PCNX2: variants seen among roughly 807,000 people sequenced by gnomAD.
PCNX2 encodes pecanex-like protein 2.
Under a neutral mutation model 223.8 loss-of-function variants are expected in PCNX2, and 168 were observed. The ratio of observed to expected loss-of-function variants is 0.75; its 90% CI spans 0.66 to 0.85. The LOEUF (loss-of-function observed/expected upper bound fraction) is 0.85. Among genes scored for constraint, PCNX2 ranks in the 40% least tolerant of loss-of-function variants. The probability of loss-of-function intolerance (pLI) is 0.00; values close to 1 mark genes in which losing one functional copy is unlikely to be tolerated. For synonymous variants in PCNX2, 1,006 were observed against 1,052.6 expected (o/e 0.96, Z 0.86); for missense variants, 2,507 against 2,675.5 (o/e 0.94, Z 1.39).
chr1:233,258,256 C>T lies in PCNX2; in HGVS notation c.1606G>A (p.Gly536Arg), dbSNP rs1262737724. The T allele has an allele frequency of 6.2e-7, 1 of 1,613,990 alleles. No homozygotes were observed. ...CTTTTACTCAAGAAGACATCTGTCC[C>T]ACTGTCCACACTGAGCACCCGGGCA... ...RHARVLSVDS[G>R]TDVFLSKSSA... Residue 536 changes from glycine (G) to arginine (R), a missense_variant, in exon 5 of 34, where the codon GGG becomes AGG. This residue lies in a region of PCNX2 where 1,031 missense variants were observed against 1,021.7 expected (regional missense o/e 1.01). Coordinates refer to ENST00000258229, the MANE Select transcript of PCNX2 (RefSeq NM_014801.4).
upstream of PCNX2, among the ~76,000 whole-genome samples, chr1:233,297,188 ATAGGAGGAAAGGT>A (rs6143673): frequency 0.013 from 1,939 of 152,288 alleles, 44 homozygotes; most frequent in African/African-American, 0.044. Context: ...GTGCATGGGT[ATAGGAGGAAAGGT>A]CATGCAACAG....
chr1:233,265,064 C>A (rs1660255942), intron 1 of PCNX2, among the ~76,000 whole-genome samples: 1 of 149,612 alleles, frequency 6.7e-6, no homozygotes, highest in South Asian at 2.2e-4. Flanking sequence ...ATAGTGAGAC[C>A]CCCCCTCCGA....
rs1460137261 is a variant in PCNX2 at position 233,180,682 on chromosome 1, C to T, written c.3067-1507G>A. 8 of 152,264 alleles carry T rather than the reference C, an allele frequency of 5.3e-5. No individual in the cohort carries two copies. In the East Asian group the frequency reaches 1.4e-3, roughly 26 times the overall value. 9.4% of individuals were successfully genotyped at this position (152,264 alleles called of 1,614,324 possible). On this transcript the variant is annotated intron_variant, in intron 15 of 33. Coordinates refer to ENST00000258229, the MANE Select transcript of PCNX2 (RefSeq NM_014801.4). ...TTTTATTTTTACATGCTTCATTTTC[C>T]TAGAAATTAAAATGTATTTCTTTTA...
intron 32 of PCNX2, among the ~76,000 whole-genome samples, chr1:232,995,883 C>T (rs1162987084): frequency 6.6e-6 from 1 of 151,992 alleles, no homozygotes; most frequent in Non-Finnish European, 1.5e-5. Flanking sequence ...ATTTCTTCCC[C>T]CTCCTCTCCC....
intron 17 of PCNX2, among the ~76,000 whole-genome samples, chr1:233,165,148 T>C (rs985549557): frequency 2.0e-5 from 3 of 152,210 alleles, no homozygotes; most frequent in African/African-American, 7.2e-5. Flanking sequence ...ATGTGTACAA[T>C]TATTGTCAAT....
intron 15 of PCNX2, among the ~76,000 whole-genome samples, chr1:233,185,702 G>T (rs1019030423): frequency 2.6e-5 from 4 of 152,148 alleles, no homozygotes; most frequent in Non-Finnish European, 4.4e-5. Flanking sequence ...ATTTACAAAT[G>T]TATATCTAAA....
At chr1:232,987,356 C>A (rs1399149839) in intron 32 of PCNX2, among the ~76,000 whole-genome samples, 4 of 152,264 alleles carry the variant, frequency 2.6e-5, no homozygotes, top group Non-Finnish European at 5.9e-5. Context: ...TGTGGTTCAG[C>A]TTTGCAGTCT....
At position 233,095,876 on chromosome 1, in the gene PCNX2, G is replaced by GAAAAAA; in HGVS notation, c.3838-19_3838-14dup. 1 of 1,562,312 alleles carries GAAAAAA rather than the reference G, an allele frequency of 6.4e-7. No individual in the cohort carries two copies. Among genetic ancestry groups the GAAAAAA allele is most frequent in the African/African-American group, 1.4e-5 (1 of 73,012 alleles). ...GCAGGTCCCCGAGCTGAAAGTAAAA[G>GAAAAAA]AAAAAAAATTCATCAGAGAGGACAA... is the stretch of plus-strand genomic sequence containing the variant. On this transcript the variant is annotated splice_polypyrimidine_tract_variant and intron_variant, in intron 21 of 33. Transcript: ENST00000258229.
Position 233,262,969 on chromosome 1 carries a change from G to A in PCNX2, c.348C>T (p.His116=). The change falls in exon 2 of 34, where the codon CAC becomes CAT. Residue 116 remains histidine, a synonymous_variant. Coordinates refer to ENST00000258229, the MANE Select transcript of PCNX2 (RefSeq NM_014801.4). ...KEAKGEHITN[H]RNPSNNRQIH... Reference sequence around the variant, plus strand: ...ATTGAAAATATTACCTTGGATTTCTGTGATTAGTTATGTGTTCACCTTTGG... The same window carrying A: ...ATTGAAAATATTACCTTGGATTTCTATGATTAGTTATGTGTTCACCTTTGG... 1 of 1,612,800 alleles carries A rather than the reference G, an allele frequency of 6.2e-7. No individual in the cohort carries two copies. The highest frequency in any genetic ancestry group is 8.5e-7 in the Non-Finnish European group (1 of 1,179,306).
chr1:233,044,657 C>T (rs1159176530), intron 25 of PCNX2, among the ~76,000 whole-genome samples: 1 of 151,758 alleles, frequency 6.6e-6, no homozygotes, highest in Non-Finnish European at 1.5e-5. Flanking sequence ...ATGGTGCTTC[C>T]TCATTTGTAT....
At chr1:233,057,144 G>A (rs1214260392) in intron 24 of PCNX2, 88 bp downstream of exon 24, 18 of 1,104,592 alleles carry the variant, frequency 1.6e-5, no homozygotes, top group African/African-American at 3.1e-5. Context: ...TCTCCACAAT[G>A]AGTACAGAGT....
chr1:233,099,871 C>T (rs1300515999), intron 21 of PCNX2, among the ~76,000 whole-genome samples: 3 of 152,124 alleles, frequency 2.0e-5, no homozygotes, highest in Non-Finnish European at 1.5e-5. Flanking sequence ...GCCGCAAGCA[C>T]TATAATATTG....
At chr1:233,256,500 C>T (rs936424344) in intron 5 of PCNX2, among the ~76,000 whole-genome samples, 1 of 152,142 alleles carries the variant, frequency 6.6e-6, no homozygotes. Context: ...CCTTCATGCG[C>T]TCTGGGTTAT....
chr1:233,036,353 G>T (rs1159913526), intron 25 of PCNX2, among the ~76,000 whole-genome samples: 2 of 152,162 alleles, frequency 1.3e-5, no homozygotes, highest in African/African-American at 4.8e-5. Flanking sequence ...ATTTCAGGCT[G>T]GGCATGGTGG....
chr1:233,173,468 G>A (rs929250245), intron 17 of PCNX2, among the ~76,000 whole-genome samples: 3 of 152,160 alleles, frequency 2.0e-5, no homozygotes, highest in African/African-American at 7.2e-5. Context: ...GCCCAGCCCA[G>A]TCTTCACTCT....
chr1:233,270,480 G>A (rs12126876), intron 1 of PCNX2, among the ~76,000 whole-genome samples: 8 of 152,150 alleles, frequency 5.3e-5, no homozygotes, highest in South Asian at 4.1e-4. Flanking sequence ...ACCTGCCCCC[G>A]ACAGGTTACG....
intron 23 of PCNX2, among the ~76,000 whole-genome samples, chr1:233,069,765 C>G (rs12089964): frequency 0.27 from 40,475 of 151,956 alleles, 7,018 homozygotes; most frequent in African/African-American, 0.49. Context: ...CAAATTCACA[C>G]CACTAAATAT....
intron 10 of PCNX2, among the ~76,000 whole-genome samples, chr1:233,222,754 G>C (rs1398999553): frequency 6.6e-6 from 1 of 152,190 alleles, no homozygotes; most frequent in Admixed American, 6.5e-5. Flanking sequence ...ACGACTCCAA[G>C]ATATTTAAGC....
intron 19 of PCNX2, among the ~76,000 whole-genome samples, chr1:233,146,770 T>C (rs187614005): frequency 4.6e-5 from 7 of 152,300 alleles, no homozygotes; most frequent in Admixed American, 4.6e-4. Context: ...CACTGTAGAA[T>C]AGCCCGGGCA....
Sources: gnomAD v4.1 joint callset for allele counts (sites outside exome capture counted in the v4.1 genomes callset) on GRCh38, gnomAD v4.1.1 for gene constraint, gnomAD v4.1.1 regional missense constraint, MANE v1.5 for transcripts, NCBI Gene and HGNC (gene_info 2026-07-23, HGNC 2026-07-21) for gene names.